ZC3H12B: variants seen among roughly 807,000 people sequenced by gnomAD.
ZC3H12B encodes zinc finger CCCH-type containing 12B.
In ZC3H12B, 7 loss-of-function variants were observed where a neutral mutation model predicts 43.9. The ratio of observed to expected loss-of-function variants is 0.16; its 90% CI spans 0.09 to 0.30. ZC3H12B has a LOEUF of 0.30. Among genes scored for constraint, ZC3H12B ranks in the 10% least tolerant of loss-of-function variants. The pLI is 1.00. For synonymous variants in ZC3H12B, 222 were observed against 241.7 expected (o/e 0.92, Z 0.76); for missense variants, 475 against 670.2 (o/e 0.71, Z 3.22).
intron 3 of ZC3H12B, among the ~76,000 whole-genome samples, chrX:65,464,837 T>C (rs747038122): frequency 9.0e-6 from 1 of 111,382 alleles, no homozygotes; most frequent in African/African-American, 3.2e-5. Flanking sequence ...TCTCAAAGTA[T>C]TTTCTAATCT....
At chrX:65,473,421 G>A (rs1352694606) in intron 3 of ZC3H12B, among the ~76,000 whole-genome samples, 1 of 111,832 alleles carries the variant, frequency 8.9e-6, no homozygotes, top group African/African-American at 3.3e-5. Context: ...ATGATTTATG[G>A]AGTGTATTCC....
At chrX:65,089,203 ATTG>A in the ZC3H12B span, among the ~76,000 whole-genome samples, 1 of 111,173 alleles carries the variant, frequency 9.0e-6, no homozygotes, top group Non-Finnish European at 1.9e-5. Flanking sequence ...CAATTTTGTC[ATTG>A]TTGTGAGCAT....
intron 3 of ZC3H12B, among the ~76,000 whole-genome samples, chrX:65,459,358 G>A (rs1220675559): frequency 8.9e-6 from 1 of 111,937 alleles, no homozygotes; most frequent in East Asian, 2.8e-4. Flanking sequence ...CTCATTTTAT[G>A]AGGCCAGCAT....
rs1483645147 is a variant in ZC3H12B, at chrX:65,400,881, AG to A, written n.407+2178del. The stretch of plus-strand genomic sequence containing the variant: ...TATTTTGGATCAGATTGTACTTCAT[AG>A]TAGGTAATCATTTCAAGGCAGTACT... On this transcript the variant is annotated intron_variant and non_coding_transcript_variant, in intron 3 of 5. Coordinates refer to the ZC3H12B transcript ENST00000617377. Among the ~76,000 whole-genome samples, 12 of 111,799 alleles carry A rather than the reference AG, an allele frequency of 1.1e-4. No homozygotes were observed. The Admixed American group carries it at 1.1e-3, about 11-fold the overall frequency.
the ZC3H12B span, among the ~76,000 whole-genome samples, chrX:65,143,650 C>T: frequency 5.7e-3 from 623 of 108,499 alleles, 4 homozygotes; most frequent in African/African-American, 0.02. Flanking sequence ...GCAACTTCCA[C>T]CTCCCGGGTT....
rs2066854887 is a variant in ZC3H12B at position 65,407,943 on chromosome X, T to A, written n.407+9239T>A. ...CGCCGAGTGGCCGGTACGCCCGGCC[T>A]AGCGCGCCTGCGTGCGTGGCCACCT... On this transcript the variant is annotated intron_variant and non_coding_transcript_variant, in intron 3 of 5. Coordinates refer to the ZC3H12B transcript ENST00000617377. The A allele has an allele frequency of 4.1e-6, 3 of 738,785 alleles. No homozygotes were observed. In the South Asian group the frequency reaches 8.5e-5, roughly 21 times the overall value. 60.9% of individuals were successfully genotyped at this position (738,785 alleles called of 1,213,427 possible).
At position 65,456,104 on chromosome X, in the gene ZC3H12B, C is replaced by G. The variant is rs112001173; in HGVS notation, n.408-32542C>G. 6.7e-3 allele frequency among the ~76,000 whole-genome samples: 752 copies of G among 111,485 alleles called. 9 individuals carry two copies. Among genetic ancestry groups the G allele is most frequent in the African/African-American group, 0.023 (714 of 30,653 alleles). On this transcript the variant is annotated intron_variant and non_coding_transcript_variant, in intron 3 of 5. Coordinates refer to the ZC3H12B transcript ENST00000617377. ...AAATAACCAGCTAGCATCATAAGGA[C>G]AGGATCAAATTCACACATAACAATA... is the stretch of plus-strand genomic sequence containing the variant.
At chrX:65,199,385 C>T in the ZC3H12B span, among the ~76,000 whole-genome samples, 1 of 109,609 alleles carries the variant, frequency 9.1e-6, no homozygotes, top group Admixed American at 9.9e-5. Flanking sequence ...ATTCTGAATT[C>T]CTTTTCTGTG....
the ZC3H12B span, among the ~76,000 whole-genome samples, chrX:65,328,780 T>C: frequency 0.011 from 1,056 of 97,209 alleles, 8 homozygotes; most frequent in Non-Finnish European, 0.018. Flanking sequence ...TTCCCACATA[T>C]GAGTGAGAAA....
chrX:65,184,600 C>A, the ZC3H12B span, among the ~76,000 whole-genome samples: 6 of 111,411 alleles, frequency 5.4e-5, no homozygotes, highest in South Asian at 3.7e-4. Context: ...AGAACAGAAA[C>A]CTTTGGGAAA....
the ZC3H12B span, among the ~76,000 whole-genome samples, chrX:65,215,347 G>C: frequency 8.1e-5 from 9 of 111,752 alleles, no homozygotes. Context: ...TACACTTTCA[G>C]TGTAGCCACC....
chrX:65,420,431 C>A (rs1433663169), intron 3 of ZC3H12B, among the ~76,000 whole-genome samples: 1 of 112,318 alleles, frequency 8.9e-6, no homozygotes, highest in Non-Finnish European at 1.9e-5. Context: ...ACCAGATAGT[C>A]CACCCAGAAT....
chrX:65,230,426 C>G, the ZC3H12B span, among the ~76,000 whole-genome samples: 3 of 108,732 alleles, frequency 2.8e-5, no homozygotes, highest in African/African-American at 6.7e-5. Flanking sequence ...GGAGATATAC[C>G]TAATGCTAAA....
the ZC3H12B span, among the ~76,000 whole-genome samples, chrX:65,262,160 G>A: frequency 9.0e-6 from 1 of 110,921 alleles, no homozygotes; most frequent in Admixed American, 9.6e-5. Context: ...AATCAATTTA[G>A]TATTTTAATT....
the ZC3H12B span, among the ~76,000 whole-genome samples, chrX:65,136,179 T>C: frequency 1.8e-5 from 2 of 111,601 alleles, no homozygotes; most frequent in Non-Finnish European, 1.9e-5. Context: ...TAAACTGGCC[T>C]TCACTGATAC....
the ZC3H12B span, among the ~76,000 whole-genome samples, chrX:65,355,299 G>A: frequency 9.0e-6 from 1 of 111,550 alleles, no homozygotes; most frequent in Non-Finnish European, 1.9e-5. Context: ...GAGAGTGGGG[G>A]TCAATATTCA....
intron 3 of ZC3H12B, among the ~76,000 whole-genome samples, chrX:65,424,938 GT>G (rs1454414545): frequency 2.7e-5 from 3 of 111,165 alleles, no homozygotes; most frequent in Non-Finnish European, 5.7e-5. Context: ...TGATTGTCTT[GT>G]TTTTTTGGGC....
intron 3 of ZC3H12B, among the ~76,000 whole-genome samples, chrX:65,442,632 G>C (rs1411633829): frequency 8.9e-6 from 1 of 112,065 alleles, no homozygotes; most frequent in African/African-American, 3.2e-5. Flanking sequence ...TGTAAGAACT[G>C]AGCAGGAGTT....
intron 2 of ZC3H12B, among the ~76,000 whole-genome samples, chrX:65,385,861 C>G (rs965266190): frequency 8.9e-6 from 1 of 111,872 alleles, no homozygotes; most frequent in Non-Finnish European, 1.9e-5. Flanking sequence ...TGAAGGGCTG[C>G]TGACTTTTGG....
Sources: allele counts gnomAD v4.1 joint callset (sites outside exome capture counted in the v4.1 genomes callset), GRCh38; gene constraint gnomAD v4.1.1; transcripts MANE v1.5; gene names NCBI Gene and HGNC (gene_info 2026-07-23, HGNC 2026-07-21).